STXBP3: variants seen among roughly 807,000 people sequenced by gnomAD.
STXBP3 encodes the protein syntaxin-binding protein 3.
STXBP3 carries 41 observed loss-of-function variants against 85.7 expected under a neutral mutation model. The observed-to-expected ratio is 0.48, with a 90% CI of 0.37 to 0.62. STXBP3 has a LOEUF of 0.62. Ranked by LOEUF, STXBP3 falls within the 20% of genes least tolerant of loss-of-function variation. The pLI is 0.00. For missense variants in STXBP3, 563 were observed against 703.1 expected, an observed-to-expected ratio of 0.80 and a Z score of 2.25; for synonymous variants, 229 against 231.7, an observed-to-expected ratio of 0.99 and a Z score of 0.10.
intron 11 of STXBP3, among the ~76,000 whole-genome samples, chr1:108,782,942 A>G (rs1025063453): frequency 2.0e-5 from 3 of 152,192 alleles, no homozygotes; most frequent in African/African-American, 7.2e-5. Context: ...TCACTCTGCC[A>G]TGCAGGCTGG....
At chr1:108,773,531 A>G (rs1662517468) in intron 7 of STXBP3, among the ~76,000 whole-genome samples, 1 of 152,216 alleles carries the variant, frequency 6.6e-6, no homozygotes, top group Non-Finnish European at 1.5e-5. Flanking sequence ...AAGATTAATA[A>G]AAACAGGATC....
intron 5 of STXBP3, among the ~76,000 whole-genome samples, chr1:108,759,475 T>G (rs1443643545): frequency 2.6e-5 from 4 of 152,294 alleles, no homozygotes; most frequent in Admixed American, 2.6e-4. Flanking sequence ...AATGATAAAC[T>G]CTTTGATGAA....
chr1:108,772,553 CATATG>C (rs1662490138), intron 6 of STXBP3, 107 bp from the exon 7 acceptor site: 1 of 302,782 alleles, frequency 3.3e-6, no homozygotes, highest in South Asian at 1.4e-4. Context: ...TATATAAATA[CATATG>C]ATATATATCT....
intron 1 of STXBP3, 59 bp downstream of exon 1, chr1:108,746,845 C>T: frequency 2.0e-6 from 3 of 1,529,556 alleles, no homozygotes; most frequent in Non-Finnish European, 1.8e-6. Flanking sequence ...CGTGCCGGGC[C>T]TCGTTTTGCA....
At position 108,758,495 on chromosome 1, in the gene STXBP3, C is replaced by CT; in HGVS notation, c.259-14dup. 7.1e-7 allele frequency: 1 copy of CT among 1,408,294 alleles called. No homozygotes were observed. Among genetic ancestry groups the CT allele is most frequent in the Non-Finnish European group, 9.7e-7 (1 of 1,034,248 alleles). The allele number at this position is 1,408,294 out of a possible 1,614,324, so 87.2% of individuals were successfully genotyped here. A position where few individuals can be genotyped will look rare whatever the true frequency, so the allele number is the denominator to read the frequency against. Reference sequence around the variant, plus strand: ...TATTTAATAAAATGTGTATTAACATCTAACCTTTTTTAAGTCTGTAGATTG... The same window carrying CT: ...TATTTAATAAAATGTGTATTAACATCTTAACCTTTTTTAAGTCTGTAGATTG... On this transcript the variant is annotated splice_polypyrimidine_tract_variant and intron_variant, in intron 4 of 18. Transcript: ENST00000370008.
Position 108,779,428 on chromosome 1 carries a change from G to A in STXBP3, c.809+18G>A. On this transcript the variant is annotated intron_variant, in intron 9 of 18. Coordinates refer to ENST00000370008, the MANE Select transcript of STXBP3 (RefSeq NM_007269.4). ...ACATACAAGCAAGTATAACTTGAAG[G>A]GCATATAAAGGGCATATACAAACAG... The A allele has an allele frequency of 1.2e-6, 2 of 1,601,600 alleles. No individual in the cohort carries two copies. Among genetic ancestry groups the A allele is most frequent in the Non-Finnish European group, 1.7e-6 (2 of 1,173,530 alleles).
intron 6 of STXBP3, among the ~76,000 whole-genome samples, chr1:108,762,749 G>A (rs530327657): frequency 1.3e-5 from 2 of 152,160 alleles, no homozygotes; most frequent in African/African-American, 4.8e-5. Flanking sequence ...TCATGTTGAA[G>A]CAATGAACCT....
Position 108,760,032 on chromosome 1 carries a change from T to C in STXBP3, c.385T>C (p.Ser129Pro). 1 of 1,576,680 alleles carries C rather than the reference T, an allele frequency of 6.3e-7. No homozygotes were observed. Among genetic ancestry groups the C allele is most frequent in the Non-Finnish European group, 8.6e-7 (1 of 1,166,806 alleles). The change falls in exon 6 of 19, where the codon TCA becomes CCA. Residue 129 changes from serine (S) to proline (P), a missense_variant. This residue lies in a region of STXBP3 where 494 missense variants were observed against 592.8 expected (regional missense o/e 0.83). Transcript: ENST00000370008. ...FNKIKASCSK[S>P]IRRCKEINIS... ...CAAAATTAAGGCTTCTTGCTCCAAG[T>C]CAATAAGAAGATGTAAAGAAATAAA...
chr1:108,782,446 G>A lies in STXBP3; in HGVS notation c.834G>A (p.Lys278=), dbSNP rs756620054. Residue 278 remains lysine, a synonymous_variant, in exon 10 of 19, where the codon AAG becomes AAA. Transcript: ENST00000370008. ...GATATAAAACAGATGGAAAAGAAAA[G>A]GAGGCCATCCTTGAAGAAGAAGATG... ...TYKYKTDGKE[K]EAILEEEDDL... 6.2e-7 allele frequency: 1 copy of A among 1,613,472 alleles called. No homozygotes were observed. The highest frequency in any genetic ancestry group is 8.5e-7 in the Non-Finnish European group (1 of 1,179,728).
chr1:108,772,135 GATATCTATCTATA>G (rs1557806290), intron 6 of STXBP3, among the ~76,000 whole-genome samples: 12 of 29,706 alleles, frequency 4.0e-4, no homozygotes, highest in African/African-American at 1.4e-3. Flanking sequence ...AAATACATAT[GATATCTATCTATA>G]TATCATATAT....
At chr1:108,761,850 G>C (rs1278301000) in intron 6 of STXBP3, among the ~76,000 whole-genome samples, 1 of 152,054 alleles carries the variant, frequency 6.6e-6, no homozygotes, top group African/African-American at 2.4e-5. Flanking sequence ...ATTAGCACCT[G>C]TAGTCCCAGC....
intron 4 of STXBP3, among the ~76,000 whole-genome samples, chr1:108,757,759 G>A (rs991963453): frequency 6.6e-6 from 1 of 151,872 alleles, no homozygotes; most frequent in African/African-American, 2.4e-5. Context: ...ATATTTTAGA[G>A]TTTATTGTTA....
chr1:108,755,198 C>T (rs987102129), intron 3 of STXBP3, among the ~76,000 whole-genome samples: 1 of 152,120 alleles, frequency 6.6e-6, no homozygotes, highest in Non-Finnish European at 1.5e-5. Context: ...GTAATCCCAG[C>T]ACTTCGGGAG....
chr1:108,772,268 C>CTATCTGTATCATATATAAATACATATGA (rs1557806427), intron 6 of STXBP3, among the ~76,000 whole-genome samples: 2 of 69,880 alleles, frequency 2.9e-5, no homozygotes, highest in South Asian at 4.1e-4. Flanking sequence ...CATATGATAT[C>CTATCTGTATCATATATAAATACATATGA]TATCTGTATC....
At chr1:108,754,659 T>C (rs950589788) in intron 3 of STXBP3, among the ~76,000 whole-genome samples, 6 of 152,174 alleles carry the variant, frequency 3.9e-5, no homozygotes, top group Non-Finnish European at 7.4e-5. Context: ...AAGGAAGGGA[T>C]TCCATGGCCA....
chr1:108,749,226 A>G (rs563185109), intron 1 of STXBP3, among the ~76,000 whole-genome samples: 1 of 152,346 alleles, frequency 6.6e-6, no homozygotes, highest in Admixed American at 6.5e-5. Flanking sequence ...AAAGGAGGAA[A>G]TAGACAAAGA....
At chr1:108,806,340 A>C (rs974787955) in intron 17 of STXBP3, among the ~76,000 whole-genome samples, 5 of 152,138 alleles carry the variant, frequency 3.3e-5, no homozygotes, top group African/African-American at 1.2e-4. Context: ...TATTTCATTT[A>C]ATTTCAACTA....
At chr1:108,758,687 T>G (rs539956608) in intron 5 of STXBP3, 99 bp downstream of exon 5, 24 of 495,894 alleles carry the variant, frequency 4.8e-5, no homozygotes, top group African/African-American at 3.8e-4. Flanking sequence ...TTAAAGTATC[T>G]ACTTTTTATA....
chr1:108,783,155 C>T (rs577641453), intron 11 of STXBP3, among the ~76,000 whole-genome samples: 1 of 152,336 alleles, frequency 6.6e-6, no homozygotes, highest in South Asian at 2.1e-4. Flanking sequence ...GCTGGGATTA[C>T]AGGTGTGAGC....
Sources: allele counts gnomAD v4.1 joint callset (sites outside exome capture counted in the v4.1 genomes callset), GRCh38; gene constraint gnomAD v4.1.1; regional missense constraint gnomAD v4.1.1; transcripts MANE v1.5; gene names NCBI Gene and HGNC (gene_info 2026-07-23, HGNC 2026-07-21).